Variants in SPRED1 observed in about 807,000 individuals in gnomAD.
SPRED1 encodes the protein sprouty-related, EVH1 domain-containing protein 1.
In SPRED1, 18 loss-of-function variants were observed where a neutral mutation model predicts 52.3. That is an observed-to-expected ratio of 0.34 (90% CI 0.24 to 0.51). The LOEUF (loss-of-function observed/expected upper bound fraction) is 0.51, where lower values mean the gene tolerates loss of function less well. Among genes scored for constraint, SPRED1 ranks in the 20% least tolerant of loss-of-function variants. The pLI, the probability that SPRED1 is intolerant of heterozygous loss-of-function variation, is 0.97. For missense variants in SPRED1, 485 were observed against 551.0 expected, an observed-to-expected ratio of 0.88 and a Z score of 1.20; for synonymous variants, 155 against 179.7, an observed-to-expected ratio of 0.86 and a Z score of 1.10.
intron 2 of SPRED1, among the ~76,000 whole-genome samples, chr15:38,300,437 T>C (rs1014530399): frequency 2.0e-5 from 3 of 152,222 alleles, no homozygotes; most frequent in African/African-American, 7.2e-5. Flanking sequence ...ATCTTTGTTA[T>C]TTCTTATGTT....
chr15:38,306,133 T>C (rs1457769149), intron 2 of SPRED1, among the ~76,000 whole-genome samples: 6 of 152,280 alleles, frequency 3.9e-5, no homozygotes, highest in Admixed American at 6.5e-5. Context: ...ACATAGAAAA[T>C]GTTTATAATC....
intron 1 of SPRED1, among the ~76,000 whole-genome samples, chr15:38,269,868 G>A (rs1232050940): frequency 6.7e-6 from 1 of 150,182 alleles, no homozygotes; most frequent in South Asian, 2.1e-4. Flanking sequence ...GTTGACTGCT[G>A]TATTGGATGG....
At chr15:38,320,468 G>A (rs1895579337) in intron 2 of SPRED1, among the ~76,000 whole-genome samples, 1 of 151,904 alleles carries the variant, frequency 6.6e-6, no homozygotes, top group Non-Finnish European at 1.5e-5. Context: ...AAACTAGGGA[G>A]TGGTCCAGTA....
chr15:38,273,980 A>G (rs1171555648), intron 1 of SPRED1, among the ~76,000 whole-genome samples: 2 of 152,166 alleles, frequency 1.3e-5, no homozygotes, highest in Non-Finnish European at 2.9e-5. Flanking sequence ...TATTTTGACA[A>G]CCTAGATAAT....
chr15:38,339,028 A>G (rs1895977797), intron 4 of SPRED1, among the ~76,000 whole-genome samples: 1 of 152,100 alleles, frequency 6.6e-6, no homozygotes, highest in Non-Finnish European at 1.5e-5. Context: ...TTATACAGTG[A>G]TGGGAAAAGT....
intron 1 of SPRED1, among the ~76,000 whole-genome samples, chr15:38,281,126 TC>T (rs1012856993): frequency 1.4e-4 from 22 of 152,302 alleles, no homozygotes; most frequent in African/African-American, 4.8e-4. Flanking sequence ...GACTCTTTTG[TC>T]CCTGAAAGTA....
At chr15:38,343,898 A>T (rs1386187721) in intron 5 of SPRED1, among the ~76,000 whole-genome samples, 1 of 152,172 alleles carries the variant, frequency 6.6e-6, no homozygotes, top group African/African-American at 2.4e-5. Flanking sequence ...TAGTTTATGT[A>T]TGTTATCCAA....
chr15:38,303,495 T>G (rs2382124), intron 2 of SPRED1, among the ~76,000 whole-genome samples: 145,881 of 152,114 alleles, frequency 0.96, 70,223 homozygotes, highest in East Asian at 1. Context: ...ACCATCTTTA[T>G]CTGATACATG....
At chr15:38,307,150 CTTTTG>C (rs2140984035) in intron 2 of SPRED1, among the ~76,000 whole-genome samples, 1 of 152,250 alleles carries the variant, frequency 6.6e-6, no homozygotes, top group African/African-American at 2.4e-5. Flanking sequence ...TTCTGCACTA[CTTTTG>C]TTTTATTACA....
At chr15:38,334,669 A>G (rs1321379787) in intron 4 of SPRED1, among the ~76,000 whole-genome samples, 1 of 152,032 alleles carries the variant, frequency 6.6e-6, no homozygotes, top group Non-Finnish European at 1.5e-5. Context: ...TGAAAATATC[A>G]TTTTAATAGC....
chr15:38,260,009 T>A (rs1160590927), intron 1 of SPRED1, among the ~76,000 whole-genome samples: 1 of 152,218 alleles, frequency 6.6e-6, no homozygotes, highest in African/African-American at 2.4e-5. Context: ...GTGACGTTCT[T>A]ACTAATCTCA....
At chr15:38,254,049 A>ACGTCTTTTGCTTTC (rs1219424295) in intron 1 of SPRED1, among the ~76,000 whole-genome samples, 2 of 152,106 alleles carry the variant, frequency 1.3e-5, no homozygotes, top group African/African-American at 4.8e-5. Flanking sequence ...TCGTCTTTTA[A>ACGTCTTTTGCTTTC]ATGTTTTGCT....
chr15:38,336,767 G>A (rs914763164), intron 4 of SPRED1, among the ~76,000 whole-genome samples: 4 of 151,934 alleles, frequency 2.6e-5, no homozygotes, highest in Admixed American at 2.6e-4. Flanking sequence ...AGAATGATAT[G>A]TTGGACTTTA....
chr15:38,311,934 G>A (rs1895375627), intron 2 of SPRED1, among the ~76,000 whole-genome samples: 1 of 151,702 alleles, frequency 6.6e-6, no homozygotes, highest in Non-Finnish European at 1.5e-5. Flanking sequence ...GGTTTATTTT[G>A]CTCTCCCTTC....
At chr15:38,324,418 A>C (rs111353454) in intron 3 of SPRED1, among the ~76,000 whole-genome samples, 146 of 152,302 alleles carry the variant, frequency 9.6e-4, no homozygotes, top group African/African-American at 3.2e-3. Flanking sequence ...AATTGAATAA[A>C]TCACATCTTA....
At chr15:38,263,312 G>A (rs1414158262) in intron 1 of SPRED1, among the ~76,000 whole-genome samples, 1 of 152,162 alleles carries the variant, frequency 6.6e-6, no homozygotes, top group Non-Finnish European at 1.5e-5. Flanking sequence ...TGTCAAGGTA[G>A]AAAGTGTCCA....
At chr15:38,298,206 A>G (rs1435381447) in intron 1 of SPRED1, among the ~76,000 whole-genome samples, 2 of 152,170 alleles carry the variant, frequency 1.3e-5, no homozygotes, top group East Asian at 3.8e-4. Context: ...GACTGAAAAC[A>G]CCAAGTATTG....
chr15:38,259,267 A>G (rs1284449135), intron 1 of SPRED1, among the ~76,000 whole-genome samples: 2 of 152,064 alleles, frequency 1.3e-5, no homozygotes, highest in Non-Finnish European at 2.9e-5. Flanking sequence ...TATTTATTTT[A>G]AAGAGGCAGG....
At chr15:38,317,092 T>C (rs1172026814) in intron 2 of SPRED1, among the ~76,000 whole-genome samples, 5 of 151,886 alleles carry the variant, frequency 3.3e-5, no homozygotes, top group African/African-American at 1.2e-4. Flanking sequence ...ATCTTTACTA[T>C]CTATTTTATG....
Sources: allele counts gnomAD v4.1 joint callset (sites outside exome capture counted in the v4.1 genomes callset), GRCh38; gene constraint gnomAD v4.1.1; transcripts MANE v1.5; gene names NCBI Gene and HGNC (gene_info 2026-07-23, HGNC 2026-07-21).